Variants in ESRRB observed in about 807,000 individuals in gnomAD.
The protein encoded by ESRRB is steroid hormone receptor ERR2.
Under a neutral mutation model 46.0 loss-of-function variants are expected in ESRRB, and 16 were observed. That is an observed-to-expected ratio of 0.35 (90% CI 0.24 to 0.53). The LOEUF (loss-of-function observed/expected upper bound fraction) is 0.53, where lower values mean the gene tolerates loss of function less well. Among genes scored for constraint, ESRRB ranks in the 20% least tolerant of loss-of-function variants. The pLI is 0.93. For synonymous variants in ESRRB, 246 were observed against 259.6 expected (o/e 0.95, Z 0.50); for missense variants, 488 against 607.4 (o/e 0.80, Z 2.07).
chr14:76,329,857 G>A (rs903149970), intron 1 of ESRRB, among the ~76,000 whole-genome samples: 3 of 152,282 alleles, frequency 2.0e-5, no homozygotes, highest in Non-Finnish European at 2.9e-5. Flanking sequence ...GAGCCGAGCA[G>A]CGGCTAGGGA....
At chr14:76,328,355 G>T (rs755033004) in intron 1 of ESRRB, among the ~76,000 whole-genome samples, 2 of 152,214 alleles carry the variant, frequency 1.3e-5, no homozygotes, top group African/African-American at 2.4e-5. Flanking sequence ...GCCTAGGAAT[G>T]AGATATACTG....
intron 2 of ESRRB, among the ~76,000 whole-genome samples, chr14:76,453,624 G>T (rs1334974049): frequency 6.8e-6 from 1 of 146,032 alleles, no homozygotes; most frequent in African/African-American, 2.6e-5. Flanking sequence ...TTGAGACTGG[G>T]TCTCGCTCTG....
At chr14:76,380,941 CT>C (rs1298338584) in intron 1 of ESRRB, among the ~76,000 whole-genome samples, 1 of 152,232 alleles carries the variant, frequency 6.6e-6, no homozygotes, top group African/African-American at 2.4e-5. Context: ...CCCTTGAAGG[CT>C]TTCACCGATT....
chr14:76,482,869 CT>C lies in ESRRB; in HGVS notation c.850+111del. 2 of 1,301,018 alleles carry C rather than the reference CT, an allele frequency of 1.5e-6. No individual in the cohort carries two copies. Among genetic ancestry groups the C allele is most frequent in the Non-Finnish European group, 2.2e-6 (2 of 911,364 alleles). 80.6% of individuals were successfully genotyped at this position (1,301,018 alleles called of 1,614,324 possible). ...GCCCGGATCCTGGACCCCAGAAGGC[CT>C]GTGAAATCCTGGCAGGCCTGTTTCT... On this transcript the variant is annotated intron_variant, in intron 5 of 6. Transcript: ENST00000644823. The surrounding 1 kb of genome is among the most constrained non-coding windows in gnomAD (Gnocchi z 4.3).
chr14:76,498,424 A>C lies in ESRRB; in HGVS notation c.1331A>C (p.Lys444Thr). 1.2e-6 allele frequency: 2 copies of C among 1,613,502 alleles called. No homozygotes were observed. Among genetic ancestry groups the C allele is most frequent in the Non-Finnish European group, 1.7e-6 (2 of 1,180,008 alleles). The change falls in exon 7 of 7, where the codon AAA (lysine) becomes ACA (threonine). Residue 444 changes from lysine to threonine, a missense_variant. Coordinates refer to ENST00000644823, the MANE Select transcript of ESRRB (RefSeq NM_001379180.1). ...CTGCAGGGCAAAGTGCCCATGCACA[A>C]ACTCTTCCTGGAGATGCTGGAGGCC... ...VKLQGKVPMHKLFLEMLEAKV is the reference protein window; with the variant it reads ...VKLQGKVPMHTLFLEMLEAKV
chr14:76,430,272 G>T lies in ESRRB; in HGVS notation c.51-9069G>T, dbSNP rs1215611577. Among the ~76,000 whole-genome samples the T allele has an allele frequency of 5.3e-5, 8 of 152,172 alleles. No homozygotes were observed. The East Asian group carries it at 1.3e-3, about 26-fold the overall frequency. ...GAGGGTCTGAGGATCTGCTTTAATG[G>T]ATAGCTCTTGATGGCCCCTGGTTAG... On this transcript the variant is annotated intron_variant, in intron 1 of 6. Transcript: ENST00000644823.
chr14:76,430,918 C>T (rs972770334), intron 1 of ESRRB, among the ~76,000 whole-genome samples: 1 of 152,218 alleles, frequency 6.6e-6, no homozygotes, highest in Admixed American at 6.5e-5. Context: ...GGACGCTTAT[C>T]AGGCCAGTCC....
chr14:76,421,432 G>A (rs1886948579), intron 1 of ESRRB, among the ~76,000 whole-genome samples: 2 of 152,202 alleles, frequency 1.3e-5, no homozygotes, highest in Admixed American at 6.5e-5. Flanking sequence ...TATATGTAAA[G>A]CGCTTTGCAC....
intron 1 of ESRRB, among the ~76,000 whole-genome samples, chr14:76,410,086 T>TACA (rs1205679745): frequency 2.6e-5 from 4 of 152,036 alleles, no homozygotes; most frequent in African/African-American, 9.7e-5. Flanking sequence ...TAGCCAGGCA[T>TACA]GGTGGCACAC....
chr14:76,477,284 A>G (rs1889621018), intron 3 of ESRRB, among the ~76,000 whole-genome samples: 1 of 152,168 alleles, frequency 6.6e-6, no homozygotes, highest in Non-Finnish European at 1.5e-5. Context: ...CTAAGAACCC[A>G]TCGAATCGAA....
chr14:76,338,130 G>A (rs1022979408), intron 1 of ESRRB, among the ~76,000 whole-genome samples: 33 of 152,178 alleles, frequency 2.2e-4, no homozygotes, highest in Middle Eastern at 3.2e-3. Flanking sequence ...CCTACTCTCC[G>A]AATGAAACAA....
intron 3 of ESRRB, among the ~76,000 whole-genome samples, chr14:76,464,895 C>T (rs73320316): frequency 5.5e-4 from 84 of 152,180 alleles, no homozygotes; most frequent in African/African-American, 1.9e-3. Context: ...ACTTTCTCTC[C>T]GTGTGGTGCT....
chr14:76,441,963 A>G (rs715343), intron 2 of ESRRB, among the ~76,000 whole-genome samples: 11,766 of 152,282 alleles, frequency 0.077, 618 homozygotes, highest in East Asian at 0.26. Flanking sequence ...TTATTCAACA[A>G]ATATTTATGT....
intron 1 of ESRRB, among the ~76,000 whole-genome samples, chr14:76,339,893 C>G (rs1884171718): frequency 6.6e-6 from 1 of 152,224 alleles, no homozygotes; most frequent in Non-Finnish European, 1.5e-5. Context: ...ATCTCTCTCC[C>G]TCGTCACCCA....
intron 1 of ESRRB, among the ~76,000 whole-genome samples, chr14:76,411,023 A>T (rs1286583826): frequency 6.6e-6 from 1 of 150,692 alleles, no homozygotes; most frequent in African/African-American, 2.4e-5. Flanking sequence ...ATCTCAGGTG[A>T]TCTGCCTGCT....
At chr14:76,310,902 G>C (rs1346941019) in exon 1 of ESRRB, 1 of 454,240 alleles carries the variant, frequency 2.2e-6, no homozygotes, top group South Asian at 1.6e-5. Context: ...CGTCCTCCAC[G>C]CCAGCCCCAA....
intron 2 of ESRRB, among the ~76,000 whole-genome samples, chr14:76,442,475 CA>C (rs927346073): frequency 4.7e-5 from 7 of 148,450 alleles, no homozygotes; most frequent in African/African-American, 1.2e-4. Context: ...GATCCCGTCT[CA>C]AAAAAAAATA....
chr14:76,325,901 G>T (rs2139731476), intron 1 of ESRRB, among the ~76,000 whole-genome samples: 1 of 152,312 alleles, frequency 6.6e-6, no homozygotes, highest in Middle Eastern at 3.4e-3. Context: ...ACTGCACTCA[G>T]CCTCCTCTTC....
At chr14:76,377,621 G>T (rs889780643) in intron 1 of ESRRB, among the ~76,000 whole-genome samples, 3 of 151,978 alleles carry the variant, frequency 2.0e-5, no homozygotes, top group African/African-American at 7.3e-5. Context: ...CCAAGTCAGC[G>T]TTTCTCCAGT....
Sources: allele counts gnomAD v4.1 joint callset (sites outside exome capture counted in the v4.1 genomes callset), GRCh38; gene constraint gnomAD v4.1.1; non-coding constraint Gnocchi (gnomAD v3.1); transcripts MANE v1.5; gene names NCBI Gene and HGNC (gene_info 2026-07-23, HGNC 2026-07-21).